The following CA6 variants were observed in gnomAD, a reference collection of about 807,000 sequenced individuals.
The protein encoded by CA6 is carbonic anhydrase 6, also known as carbonate dehydratase VI.
In CA6, 28 loss-of-function variants were observed where a neutral mutation model predicts 35.9. That is an observed-to-expected ratio of 0.78 (90% CI 0.58 to 1.07). The LOEUF (loss-of-function observed/expected upper bound fraction) is 1.07. Ranked by LOEUF, CA6 falls within the 50% of genes least tolerant of loss-of-function variation. The pLI is 0.00. For missense variants in CA6, 377 were observed against 382.0 expected (o/e 0.99, Z 0.11); for synonymous variants, 148 against 152.6 (o/e 0.97, Z 0.22).
rs928256805 is a variant in CA6 at position 8,970,939 on chromosome 1, C to T, written c.802C>T (p.Pro268Ser). 2 of 1,613,906 alleles carry T rather than the reference C, an allele frequency of 1.2e-6. No homozygotes were observed. Among genetic ancestry groups the T allele is most frequent in the Admixed American group, 1.7e-5 (1 of 59,992 alleles). Residue 268 changes from proline to serine, a missense_variant, in exon 7 of 8, where the codon CCC (proline) becomes TCC (serine). Transcript: ENST00000377443. The part of the protein sequence containing the change: ...TIHNDYRRTQ[P>S]LNHRVVESNF... ...CCACAACGATTACCGCAGGACCCAG[C>T]CCCTGAACCACAGAGTGGTGGAATC...
chr1:8,962,527 G>T (rs1261381041), intron 4 of CA6, 60 bp from the exon 5 acceptor site: 2 of 1,352,760 alleles, frequency 1.5e-6, no homozygotes, highest in Admixed American at 1.7e-5. Flanking sequence ...GGCTGGATTA[G>T]TAGCGATGGT....
At chr1:8,955,031 GGGCC>G (rs1639636894) in intron 2 of CA6, among the ~76,000 whole-genome samples, 1 of 144,922 alleles carries the variant, frequency 6.9e-6, no homozygotes, top group Non-Finnish European at 1.5e-5. Context: ...AACAGTTGGT[GGGCC>G]GGCACTGATC....
At chr1:8,955,036 G>A (rs1022948661) in intron 2 of CA6, among the ~76,000 whole-genome samples, 15 of 61,664 alleles carry the variant, frequency 2.4e-4, no homozygotes, top group Non-Finnish European at 5.7e-4. Flanking sequence ...TTGGTGGGCC[G>A]GCACTGATCC....
intron 3 of CA6, 100 bp downstream of exon 3, chr1:8,957,385 G>A (rs181909151): frequency 2.3e-5 from 27 of 1,196,190 alleles, no homozygotes; most frequent in Admixed American, 1.9e-4. Flanking sequence ...CTGTTGCCCC[G>A]GCTGGAGTGC....
chr1:8,966,044 C>T (rs1639958267), intron 5 of CA6, among the ~76,000 whole-genome samples: 2 of 151,980 alleles, frequency 1.3e-5, no homozygotes, highest in Non-Finnish European at 2.9e-5. Context: ...TCTTTGAGTC[C>T]CTGCTTTCAT....
rs201328498 is a variant in CA6 at position 8,962,236 on chromosome 1, T to TCAA, written c.502-351_502-350insCAA. On this transcript the variant is annotated intron_variant, in intron 4 of 7. Transcript: ENST00000377443. ...CAGCCTGGGGAAGAGAGCAAGACTCTTAAAAAAAAAAAAAAACTCACAAAC... is the reference window on the plus strand; with the variant it reads ...CAGCCTGGGGAAGAGAGCAAGACTCTCAATAAAAAAAAAAAAAAACTCACAAAC... Among the ~76,000 whole-genome samples the TCAA allele has an allele frequency of 7.8e-4, 109 of 139,854 alleles. 1 individual carries two copies. Among genetic ancestry groups the TCAA allele is most frequent in the African/African-American group, 2.9e-3 (107 of 36,504 alleles). The allele number at this position is 139,854 out of a possible 152,430, so 91.7% of individuals were successfully genotyped here. A position where few individuals can be genotyped will look rare whatever the true frequency, so the allele number is the denominator to read the frequency against.
intron 4 of CA6, among the ~76,000 whole-genome samples, chr1:8,960,099 C>T (rs745891262): frequency 2.4e-4 from 37 of 151,808 alleles, no homozygotes; most frequent in African/African-American, 5.1e-4. Flanking sequence ...GGCGTGGTGA[C>T]GCACGCCTGT....
At chr1:8,958,799 A>G (rs985000372) in intron 3 of CA6, 111 bp from the exon 4 acceptor site, 1 of 613,188 alleles carries the variant, frequency 1.6e-6, no homozygotes, top group African/African-American at 1.9e-5. Flanking sequence ...TGTGTGGAAC[A>G]GTCTGAGGCC....
At chr1:8,951,166 A>C (rs1639519936) in intron 2 of CA6, among the ~76,000 whole-genome samples, 1 of 152,012 alleles carries the variant, frequency 6.6e-6, no homozygotes, top group Non-Finnish European at 1.5e-5. Flanking sequence ...CAGTGAGCCA[A>C]GATCGTGCCA....
intron 2 of CA6, among the ~76,000 whole-genome samples, chr1:8,956,034 C>G (rs947394621): frequency 6.6e-6 from 1 of 151,908 alleles, no homozygotes; most frequent in African/African-American, 2.4e-5. Flanking sequence ...ACCAGCCTGG[C>G]CAATATGGTG....
intron 4 of CA6, among the ~76,000 whole-genome samples, chr1:8,961,221 AT>A (rs1315328061): frequency 6.6e-6 from 1 of 152,242 alleles, no homozygotes; most frequent in Admixed American, 6.5e-5. Context: ...CTGAAAGAAA[AT>A]AATACCAGAC....
intron 2 of CA6, among the ~76,000 whole-genome samples, chr1:8,955,060 GCCCAGGTGCCGGCACTGATCCATTAATA>G (rs1639638631): frequency 3.2e-5 from 2 of 61,942 alleles, no homozygotes; most frequent in Admixed American, 1.6e-4. Flanking sequence ...AATATATATT[GCCCAGGTGCCGGCACTGATCCATTAATA>G]TATATTGCCC....
rs199611530 is a variant in CA6, at chr1:8,967,760, A to G, written c.673A>G (p.Thr225Ala). 1 of 1,614,086 alleles carries G rather than the reference A, an allele frequency of 6.2e-7. No individual in the cohort carries two copies. Among genetic ancestry groups the G allele is most frequent in the Non-Finnish European group, 8.5e-7 (1 of 1,180,018 alleles). The change falls in exon 6 of 8, where the codon ACT becomes GCT. Residue 225 changes from threonine (T) to alanine (A), a missense_variant. Physicochemically the swap from Thr to Ala is moderately conservative, Grantham distance 58. Transcript: ENST00000377443. ...TGGCTCACTCACCACGCCTCCCTGCACTGAGAACGTCCACTGGTTTGTGCT... is the reference window on the plus strand; with the variant it reads ...TGGCTCACTCACCACGCCTCCCTGCGCTGAGAACGTCCACTGGTTTGTGCT... ...YHGSLTTPPCTENVHWFVLAD... is the reference protein window; with the variant it reads ...YHGSLTTPPCAENVHWFVLAD...
intron 2 of CA6, among the ~76,000 whole-genome samples, chr1:8,955,029 G>T (rs1269477371): frequency 3.4e-5 from 5 of 145,960 alleles, no homozygotes; most frequent in South Asian, 2.2e-4. Flanking sequence ...GTAACAGTTG[G>T]TGGGCCGGCA....
At chr1:8,947,525 C>T (rs1245161901) in intron 1 of CA6, among the ~76,000 whole-genome samples, 1 of 152,058 alleles carries the variant, frequency 6.6e-6, no homozygotes, top group African/African-American at 2.4e-5. Flanking sequence ...GGCAGTGCCT[C>T]GGAAGCCTGG....
At chr1:8,956,635 T>G (rs1318727847) in intron 2 of CA6, among the ~76,000 whole-genome samples, 1 of 152,058 alleles carries the variant, frequency 6.6e-6, no homozygotes, top group Non-Finnish European at 1.5e-5. Flanking sequence ...GTGGTGCCAC[T>G]GCACTCCAGC....
rs376589511 is a variant in CA6 at position 8,974,330 on chromosome 1, C to T, written c.845-292C>T. 27 of 1,431,536 alleles carry T rather than the reference C, an allele frequency of 1.9e-5. No individual in the cohort carries two copies. The East Asian group carries it at 2.8e-4, about 15-fold the overall frequency. 88.7% of individuals were successfully genotyped at this position (1,431,536 alleles called of 1,614,324 possible). On this transcript the variant is annotated intron_variant, in intron 7 of 7. Transcript: ENST00000377443. ...CTCTTGCGATTTATTTACTAGAAAA[C>T]GCCTATATCCCCTCAGGCAAGGGCC...
chr1:8,949,328 C>T lies in CA6; in HGVS notation c.145C>T (p.Pro49Ser), dbSNP rs1472724350. The T allele has an allele frequency of 6.8e-6, 11 of 1,613,396 alleles. No homozygotes were observed. Among genetic ancestry groups the T allele is most frequent in the East Asian group, 2.2e-5 (1 of 44,824 alleles). Residue 49 changes from proline to serine, a missense_variant, in exon 2 of 8, where the codon CCT becomes TCT. Transcript: ENST00000377443. ...CGCCTGTGGGGGCCAGAGACAGTCG[C>T]CTATCAACCTACAGAGGACGAAGGT... ...YPACGGQRQS[P>S]INLQRTKVRY... is the part of the protein sequence containing the mutation.
intron 2 of CA6, among the ~76,000 whole-genome samples, chr1:8,954,431 C>T (rs1419735749): frequency 6.6e-6 from 1 of 152,104 alleles, no homozygotes; most frequent in Non-Finnish European, 1.5e-5. Flanking sequence ...TCCCAAAGTG[C>T]TGGGATTACA....
Sources: gnomAD v4.1 joint callset for allele counts (sites outside exome capture counted in the v4.1 genomes callset) on GRCh38, gnomAD v4.1.1 for gene constraint, MANE v1.5 for transcripts, NCBI Gene and HGNC (gene_info 2026-07-23, HGNC 2026-07-21) for gene names.